HCRTR1: variants seen among roughly 807,000 people sequenced by gnomAD.
HCRTR1 encodes the protein hypocretin receptor 1.
In HCRTR1, 28 loss-of-function variants were observed where a neutral mutation model predicts 40.6. The observed-to-expected ratio is 0.69, with a 90% CI of 0.51 to 0.95. The LOEUF (loss-of-function observed/expected upper bound fraction) is 0.95. Ranked by LOEUF, HCRTR1 falls within the 40% of genes least tolerant of loss-of-function variation. The probability of loss-of-function intolerance (pLI) is 0.00; values close to 1 mark genes in which losing one functional copy is unlikely to be tolerated. For synonymous variants in HCRTR1, 209 were observed against 230.0 expected, an observed-to-expected ratio of 0.91 and a Z score of 0.83; for missense variants, 482 against 564.7, an observed-to-expected ratio of 0.85 and a Z score of 1.48.
At chr1:31,624,609 T>C (rs1248953007) in intron 7 of HCRTR1, among the ~76,000 whole-genome samples, 1 of 152,190 alleles carries the variant, frequency 6.6e-6, no homozygotes, top group Admixed American at 6.5e-5. Flanking sequence ...GAAGACAGTT[T>C]CACTTTGAGA....
rs1202665774 is a variant in HCRTR1 at position 31,625,946 on chromosome 1, G to C, written c.1087+828G>C. Among the ~76,000 whole-genome samples, 2 of 152,232 alleles carry C rather than the reference G, an allele frequency of 1.3e-5. No individual in the cohort carries two copies. Among genetic ancestry groups the C allele is most frequent in the African/African-American group, 2.4e-5 (1 of 41,452 alleles). ...TGAGACTCAAGAATTACTCAACAAG[G>C]CTGGCTGCGGGTTTCCAGGTCAGAA... On this transcript the variant is annotated intron_variant, in intron 8 of 8. Transcript: ENST00000403528. This position sits in a 1 kb window ranked among gnomAD's most constrained non-coding sequence, Gnocchi z 4.2.
At chr1:31,628,736 G>T (rs1373812951), downstream of HCRTR1, among the ~76,000 whole-genome samples, 1 of 152,234 alleles carries the variant, frequency 6.6e-6, no homozygotes, top group Non-Finnish European at 1.5e-5. Context: ...TCCACTCTGG[G>T]GGACTCAGAT....
intron 4 of HCRTR1, 132 bp from the exon 5 acceptor site, chr1:31,620,711 C>A: frequency 8.4e-7 from 1 of 1,193,098 alleles, no homozygotes; most frequent in Non-Finnish European, 1.2e-6. Context: ...GACTTGCCCA[C>A]ATTTACACAG....
intron 4 of HCRTR1, among the ~76,000 whole-genome samples, chr1:31,620,369 T>C (rs185907090): frequency 2.0e-5 from 3 of 152,304 alleles, no homozygotes; most frequent in East Asian, 3.9e-4. Flanking sequence ...CTCTTGGATT[T>C]CCCACTATTT....
At chr1:31,630,622 C>G (rs752271803), downstream of HCRTR1, 1 of 1,612,318 alleles carries the variant, frequency 6.2e-7, no homozygotes, top group Non-Finnish European at 8.5e-7. Context: ...GTCATAGCAT[C>G]CGAGAAGCTG....
intron 6 of HCRTR1, among the ~76,000 whole-genome samples, chr1:31,622,681 G>T (rs72885470): frequency 0.014 from 2,162 of 152,310 alleles, 53 homozygotes; most frequent in African/African-American, 0.049. Flanking sequence ...ATGCCCCTCT[G>T]TGGTGGGTGA....
At position 31,623,644 on chromosome 1, in the gene HCRTR1, TG is replaced by T. The variant is rs1197379472; in HGVS notation, c.861del (p.Lys288SerfsTer13). The T allele has an allele frequency of 6.2e-7, 1 of 1,614,010 alleles. No homozygotes were observed. Among genetic ancestry groups the T allele is most frequent in the Non-Finnish European group, 8.5e-7 (1 of 1,180,024 alleles). Reference sequence around the variant, plus strand: ...CGGGCCCGCGCCTTCCTGGCTGAAGTGAAGCAGATGCGTGCACGGAGGAAGA... The same window carrying T: ...CGGGCCCGCGCCTTCCTGGCTGAAGTAAGCAGATGCGTGCACGGAGGAAGA... ...QPRARAFLAE[V>X]KQMRARRKTA... On this transcript the variant is annotated frameshift_variant, in exon 7 of 9. Transcript: ENST00000403528. LOFTEE classifies it high-confidence loss of function.
chr1:31,626,552 C>G lies in HCRTR1; in HGVS notation c.1088-238C>G, dbSNP rs1639979670. Reference sequence around the variant, plus strand: ...TTGAGTCAGCCTCCGAGCCAGAGCACAGTCAAGGAATCAGATGGCAATTGC... The same window carrying G: ...TTGAGTCAGCCTCCGAGCCAGAGCAGAGTCAAGGAATCAGATGGCAATTGC... On this transcript the variant is annotated intron_variant, in intron 8 of 8. Transcript: ENST00000403528. This position sits in a 1 kb window ranked among gnomAD's most constrained non-coding sequence, Gnocchi z 4.6. Among the ~76,000 whole-genome samples, 1 of 152,156 alleles carries G rather than the reference C, an allele frequency of 6.6e-6. No individual in the cohort carries two copies. Among genetic ancestry groups the G allele is most frequent in the Non-Finnish European group, 1.5e-5 (1 of 68,030 alleles).
At chr1:31,624,604 C>A (rs377182409) in intron 7 of HCRTR1, among the ~76,000 whole-genome samples, 4 of 152,306 alleles carry the variant, frequency 2.6e-5, no homozygotes, top group African/African-American at 9.6e-5. Context: ...GGACAGAAGA[C>A]AGTTTCACTT....
chr1:31,625,168 T>C lies in HCRTR1; in HGVS notation c.1087+50T>C. ...GACTGAGGGTGGCCAACAGTCCACA[T>C]GACAAGTCTCCCCATCCCCAAGCCA... On this transcript the variant is annotated intron_variant, in intron 8 of 8. Transcript: ENST00000403528. This position sits in a 1 kb window ranked among gnomAD's most constrained non-coding sequence, Gnocchi z 4.2. 6.5e-7 allele frequency: 1 copy of C among 1,532,480 alleles called. No individual in the cohort carries two copies. Among genetic ancestry groups the C allele is most frequent in the Non-Finnish European group, 8.8e-7 (1 of 1,131,664 alleles). The allele number at this position is 1,532,480 out of a possible 1,614,324, so 94.9% of individuals were successfully genotyped here.
chr1:31,625,250 G>A lies in HCRTR1; in HGVS notation c.1087+132G>A, dbSNP rs1639951440. On this transcript the variant is annotated intron_variant, in intron 8 of 8. Coordinates refer to ENST00000403528, the MANE Select transcript of HCRTR1 (RefSeq NM_001525.3). The surrounding 1 kb of genome is among the most constrained non-coding windows in gnomAD (Gnocchi z 4.2). ...TACCTGCTGTGGGCACAGTGATCCT[G>A]CTCTGGGAGGACCCACCCCAAGCGG... The A allele has an allele frequency of 2.6e-6, 3 of 1,144,858 alleles. No homozygotes were observed. In the African/African-American group the frequency reaches 4.7e-5, roughly 18 times the overall value. The allele number at this position is 1,144,858 out of a possible 1,614,324, so 70.9% of individuals were successfully genotyped here.
At chr1:31,620,175 G>A (rs968335) in intron 4 of HCRTR1, among the ~76,000 whole-genome samples, 63,682 of 152,076 alleles carry the variant, frequency 0.42, 15,891 homozygotes, top group Non-Finnish European at 0.55. Flanking sequence ...GGGTTAGTGG[G>A]GTGGAAGGAA....
intron 1 of HCRTR1, 74 bp from the exon 2 acceptor site, chr1:31,618,682 C>G (rs1639782517): frequency 6.3e-6 from 1 of 158,694 alleles, no homozygotes. Context: ...CTCTGAGCTT[C>G]GGTCTCATCT....
chr1:31,633,093 C>A (rs1640157884), downstream of HCRTR1: 1 of 1,531,544 alleles, frequency 6.5e-7, no homozygotes, highest in Non-Finnish European at 8.8e-7. Context: ...ACCCACCTAC[C>A]CACCTACTGT....
chr1:31,620,480 G>A (rs1639828049), intron 4 of HCRTR1, among the ~76,000 whole-genome samples: 1 of 152,190 alleles, frequency 6.6e-6, no homozygotes, highest in Non-Finnish European at 1.5e-5. Flanking sequence ...TAACAGGGGG[G>A]CAAGAGCGCT....
rs1640001984 is a variant in HCRTR1 at position 31,627,304 on chromosome 1, C to G, written c.*324C>G. 18 of 1,336,654 alleles carry G rather than the reference C, an allele frequency of 1.3e-5. No individual in the cohort carries two copies. The highest frequency in any genetic ancestry group is 1.5e-5 in the African/African-American group (1 of 67,624). The allele number at this position is 1,336,654 out of a possible 1,614,324, so 82.8% of individuals were successfully genotyped here. On this transcript the variant is annotated 3_prime_UTR_variant, in exon 9 of 9. Coordinates refer to ENST00000403528, the MANE Select transcript of HCRTR1 (RefSeq NM_001525.3). ...AGCTTGGTCATCCTCCTAAAGACCC[C>G]TTTCCTACCCAATTACAGGCCTTCC... is the stretch of plus-strand genomic sequence containing the variant.
Position 31,619,190 on chromosome 1 carries a change from C to T in HCRTR1, c.-3C>T. ...CCCCTCTGCTGCAGCGGCTCCTGAG[C>T]TCATGGAGCCCTCAGCCACCCCAGG... On this transcript the variant is annotated 5_prime_UTR_variant, in exon 3 of 9. Transcript: ENST00000403528. 14 of 1,609,742 alleles carry T rather than the reference C, an allele frequency of 8.7e-6. No individual in the cohort carries two copies. Among genetic ancestry groups the T allele is most frequent in the Non-Finnish European group, 1.1e-5 (13 of 1,179,642 alleles).
intron 4 of HCRTR1, 23 bp from the exon 5 acceptor site, chr1:31,620,820 G>A (rs777472819): frequency 2.3e-5 from 37 of 1,606,284 alleles, no homozygotes; most frequent in Middle Eastern, 3.3e-4. Context: ...CAAAATGACC[G>A]ACGTTGTGTC....
Position 31,619,549 on chromosome 1 carries a change from C to T in HCRTR1, c.217C>T (p.Arg73Trp), listed in dbSNP as rs776448786. The T allele has an allele frequency of 5.6e-6, 9 of 1,613,880 alleles. No individual in the cohort carries two copies. The highest frequency in any genetic ancestry group is 4.4e-5 in the South Asian group (4 of 91,068). ...CCCTGCAGTCTGCCTGGCCGTGTGG[C>T]GGAACCACCACATGAGGACAGTCAC... ...GNTLVCLAVW[R>W]NHHMRTVTNY... The change falls in exon 4 of 9, where the codon CGG becomes TGG. Residue 73 changes from arginine to tryptophan, a missense_variant. Transcript: ENST00000403528.
Sources: allele counts gnomAD v4.1 joint callset (sites outside exome capture counted in the v4.1 genomes callset), GRCh38; gene constraint gnomAD v4.1.1; non-coding constraint Gnocchi (gnomAD v3.1); transcripts MANE v1.5; gene names NCBI Gene and HGNC (gene_info 2026-07-23, HGNC 2026-07-21).